Variants in RANBP2 observed in about 807,000 individuals in gnomAD.
The protein encoded by RANBP2 is RAN binding protein 2.
Under a neutral mutation model 303.6 loss-of-function variants are expected in RANBP2, and 57 were observed. The ratio of observed to expected loss-of-function variants is 0.19; its 90% CI spans 0.15 to 0.23. RANBP2 has a LOEUF of 0.23. RANBP2 is among the 10% of genes least tolerant of loss of function. The pLI is 1.00. For missense variants in RANBP2, 3,138 were observed against 3,780.8 expected (o/e 0.83, Z 4.46); for synonymous variants, 1,167 against 1,301.5 (o/e 0.90, Z 2.23).
chr2:109,569,874 G>A, the RANBP2 span, among the ~76,000 whole-genome samples: 6 of 152,254 alleles, frequency 3.9e-5, no homozygotes, highest in Admixed American at 2.6e-4. Flanking sequence ...TCCATGTCAA[G>A]CAGTCGAATG....
At chr2:109,144,800 C>T in the RANBP2 span, among the ~76,000 whole-genome samples, 1 of 152,238 alleles carries the variant, frequency 6.6e-6, no homozygotes, top group African/African-American at 2.4e-5. Context: ...GCCTGAGCCA[C>T]AGCAGAGCAC....
the RANBP2 span, among the ~76,000 whole-genome samples, chr2:109,572,609 CTTT>C: frequency 5.2e-4 from 58 of 111,188 alleles, no homozygotes; most frequent in African/African-American, 2.1e-3. Flanking sequence ...TTTAAAACAA[CTTT>C]TTTTTTTTTT....
chr2:109,350,077 G>A, the RANBP2 span, among the ~76,000 whole-genome samples: 1 of 152,252 alleles, frequency 6.6e-6, no homozygotes, highest in Non-Finnish European at 1.5e-5. Flanking sequence ...CGGGCATTTA[G>A]TGTGGGCTCC....
At chr2:109,516,575 G>A in the RANBP2 span, among the ~76,000 whole-genome samples, 4 of 152,192 alleles carry the variant, frequency 2.6e-5, no homozygotes, top group East Asian at 3.9e-4. Context: ...ACTGGAGGGC[G>A]TGCTGGTCCC....
chr2:108,928,293 C>G, the RANBP2 span, among the ~76,000 whole-genome samples: 1 of 152,176 alleles, frequency 6.6e-6, no homozygotes, highest in African/African-American at 2.4e-5. Flanking sequence ...CCTAACTCAT[C>G]CAGGCATCAC....
the RANBP2 span, chr2:109,616,969 G>A: frequency 1.2e-5 from 2 of 166,788 alleles, no homozygotes; most frequent in Non-Finnish European, 2.9e-5. Context: ...GTTCTATTTG[G>A]CATAACCCTA....
the RANBP2 span, among the ~76,000 whole-genome samples, chr2:109,418,276 C>G: frequency 6.6e-6 from 1 of 152,156 alleles, no homozygotes; most frequent in African/African-American, 2.4e-5. Context: ...CCTTCCTCCT[C>G]CAGGCTCCCT....
At chr2:109,563,153 T>C in the RANBP2 span, among the ~76,000 whole-genome samples, 1 of 152,100 alleles carries the variant, frequency 6.6e-6, no homozygotes, top group South Asian at 2.1e-4. Flanking sequence ...TCAAGTGGTC[T>C]GCCCGCCTTG....
chr2:109,552,721 C>T, the RANBP2 span: 3 of 192,288 alleles, frequency 1.6e-5, no homozygotes, highest in South Asian at 1.9e-4. Flanking sequence ...CAAAGACAAA[C>T]CACCACTGAG....
the RANBP2 span, among the ~76,000 whole-genome samples, chr2:109,474,181 C>G: frequency 6.6e-6 from 1 of 152,170 alleles, no homozygotes; most frequent in African/African-American, 2.4e-5. Flanking sequence ...GAGCACACAC[C>G]TGTGTGTGGG....
the RANBP2 span, among the ~76,000 whole-genome samples, chr2:109,188,554 G>A: frequency 1.3e-5 from 2 of 152,238 alleles, no homozygotes; most frequent in African/African-American, 2.4e-5. Context: ...CCCCGTCATT[G>A]TGACTGCATC....
chr2:108,860,533 A>T, the RANBP2 span, among the ~76,000 whole-genome samples: 32 of 151,796 alleles, frequency 2.1e-4, no homozygotes, highest in Middle Eastern at 3.4e-3. Flanking sequence ...TTTTATCCTA[A>T]AGAGATGTTG....
the RANBP2 span, among the ~76,000 whole-genome samples, chr2:109,453,574 G>A: frequency 6.6e-6 from 1 of 152,096 alleles, no homozygotes; most frequent in African/African-American, 2.4e-5. Flanking sequence ...CTAACCACCC[G>A]ACCGGCCATC....
At chr2:108,910,832 G>A in the RANBP2 span, 111 of 1,613,886 alleles carry the variant, frequency 6.9e-5, no homozygotes, top group Non-Finnish European at 8.1e-5. Flanking sequence ...GCTCTTCCCC[G>A]GGTGGCTGGT....
At chr2:109,454,582 TCTGGC>T in the RANBP2 span, among the ~76,000 whole-genome samples, 1 of 152,186 alleles carries the variant, frequency 6.6e-6, no homozygotes, top group Non-Finnish European at 1.5e-5. Flanking sequence ...TCCCCAAGGC[TCTGGC>T]CTGGCCATGA....
At chr2:109,631,960 C>A in the RANBP2 span, among the ~76,000 whole-genome samples, 1 of 152,174 alleles carries the variant, frequency 6.6e-6, no homozygotes. Flanking sequence ...CCCGCCCAGC[C>A]TGGTGATTAG....
At chr2:108,996,581 G>C in the RANBP2 span, among the ~76,000 whole-genome samples, 5 of 152,224 alleles carry the variant, frequency 3.3e-5, no homozygotes, top group African/African-American at 4.8e-5. Flanking sequence ...CTGACTGGGA[G>C]AGAGTATGTG....
At chr2:108,997,816 G>A in the RANBP2 span, among the ~76,000 whole-genome samples, 4 of 151,586 alleles carry the variant, frequency 2.6e-5, no homozygotes, top group African/African-American at 9.7e-5. Context: ...ACTTGAACTC[G>A]GAGGGCGGAG....
chr2:109,471,206 CAAAA>C, the RANBP2 span, among the ~76,000 whole-genome samples: 1 of 40,166 alleles, frequency 2.5e-5, no homozygotes, highest in African/African-American at 6.3e-5. Flanking sequence ...GACTCTGTCT[CAAAA>C]AAAAAAAAAA....
Sources: gnomAD v4.1 joint callset for allele counts (sites outside exome capture counted in the v4.1 genomes callset) on GRCh38, gnomAD v4.1.1 for gene constraint, MANE v1.5 for transcripts, NCBI Gene and HGNC (gene_info 2026-07-23, HGNC 2026-07-21) for gene names.